Variants in LRPPRC observed in about 807,000 individuals in gnomAD.
LRPPRC encodes the protein leucine-rich PPR motif-containing protein, mitochondrial.
In LRPPRC, 120 loss-of-function variants were observed where a neutral mutation model predicts 180.3. The ratio of observed to expected loss-of-function variants is 0.67; its 90% CI spans 0.57 to 0.77. The LOEUF (loss-of-function observed/expected upper bound fraction) is 0.77, where lower values mean the gene tolerates loss of function less well. LRPPRC is among the 30% of genes least tolerant of loss of function. LRPPRC has a pLI of 0.00. For synonymous variants in LRPPRC, 723 were observed against 600.0 expected (o/e 1.21, Z -3.00); for missense variants, 2,012 against 1,657.2 (o/e 1.21, Z -3.72).
chr2:43,960,297 G>A (rs1365300894), intron 13 of LRPPRC, among the ~76,000 whole-genome samples: 2 of 152,082 alleles, frequency 1.3e-5, no homozygotes, highest in African/African-American at 4.8e-5. Flanking sequence ...GAATATCCAC[G>A]TCTTCAGGGT....
rs62135113 is a variant in LRPPRC, at chr2:43,976,878, C to G, written c.650+116G>C. ...GATTACCAGATTTTCTAGATTAAAA[C>G]AGTTCTGAAACAATTTCCTCCATTA... On this transcript the variant is annotated intron_variant, in intron 5 of 37. Coordinates refer to ENST00000260665, the MANE Select transcript of LRPPRC (RefSeq NM_133259.4). 71,737 of 794,346 alleles carry G rather than the reference C, an allele frequency of 0.09. 3,990 individuals are homozygous for G. Among genetic ancestry groups the G allele is most frequent in the South Asian group, 0.15 (9,462 of 64,394 alleles). 49.2% of individuals were successfully genotyped at this position (794,346 alleles called of 1,614,324 possible).
chr2:43,937,905 A>G (rs1041833233), intron 23 of LRPPRC, among the ~76,000 whole-genome samples: 1 of 152,178 alleles, frequency 6.6e-6, no homozygotes, highest in Non-Finnish European at 1.5e-5. Flanking sequence ...CAATCAGTCT[A>G]CTTCTAGCTT....
intron 1 of LRPPRC, among the ~76,000 whole-genome samples, chr2:43,988,300 G>A (rs1195130678): frequency 1.3e-5 from 2 of 151,396 alleles, no homozygotes; most frequent in South Asian, 2.1e-4. Flanking sequence ...ACTTTGGGAG[G>A]CCAAGGCGGG....
intron 29 of LRPPRC, among the ~76,000 whole-genome samples, chr2:43,914,384 T>G (rs1671366455): frequency 6.6e-6 from 1 of 152,154 alleles, no homozygotes; most frequent in African/African-American, 2.4e-5. Context: ...GCATTCATAT[T>G]TTACTAAACA....
At chr2:43,988,049 C>T (rs1041756202) in intron 1 of LRPPRC, among the ~76,000 whole-genome samples, 1 of 151,736 alleles carries the variant, frequency 6.6e-6, no homozygotes, top group Non-Finnish European at 1.5e-5. Flanking sequence ...GAGACCAGCC[C>T]GGCCAACATG....
intron 23 of LRPPRC, among the ~76,000 whole-genome samples, chr2:43,937,846 G>C (rs1672330326): frequency 6.6e-6 from 1 of 152,116 alleles, no homozygotes; most frequent in Non-Finnish European, 1.5e-5. Context: ...ATATCAAAAG[G>C]AGAAAGGTAA....
intron 23 of LRPPRC, among the ~76,000 whole-genome samples, chr2:43,941,585 T>A (rs1672482469): frequency 6.6e-6 from 1 of 152,150 alleles, no homozygotes; most frequent in East Asian, 1.9e-4. Context: ...GCACTTGTCA[T>A]GATTCTGAAT....
At chr2:43,941,640 G>A (rs1672484480) in intron 23 of LRPPRC, among the ~76,000 whole-genome samples, 1 of 151,692 alleles carries the variant, frequency 6.6e-6, no homozygotes, top group African/African-American at 2.4e-5. Context: ...AATTGAGAAA[G>A]AGTTTCAAAG....
chr2:43,934,910 A>G (rs1379774377), intron 23 of LRPPRC, 32 bp from the exon 24 acceptor site: 4 of 1,597,370 alleles, frequency 2.5e-6, no homozygotes, highest in Non-Finnish European at 2.6e-6. Context: ...AATGAATAAA[A>G]TAAATCGAAT....
rs1671302218 is a variant in LRPPRC at position 43,912,551 on chromosome 2, A to G, written c.3156T>C (p.Tyr1052=). 1 of 1,609,126 alleles carries G rather than the reference A, an allele frequency of 6.2e-7. No individual in the cohort carries two copies. The highest frequency in any genetic ancestry group is 1.1e-5 in the South Asian group (1 of 90,958). ...ACRLNQKKGA[Y]DIFLNAKEQN... is the part of the protein sequence containing the mutation. ...GCTCTTTTGCATTCAGGAAAATATC[A>G]TATGCCCCTATGAGAGAAAACAGAC... Residue 1052 remains tyrosine (Y), a synonymous_variant, in exon 30 of 38, where the codon TAT becomes TAC. Transcript: ENST00000260665.
intron 36 of LRPPRC, among the ~76,000 whole-genome samples, chr2:43,893,003 T>A (rs1670549799): frequency 6.6e-6 from 1 of 152,126 alleles, no homozygotes; most frequent in Non-Finnish European, 1.5e-5. Flanking sequence ...TCAACCCTCA[T>A]GGATGAACCC....
At chr2:43,992,908 G>C (rs1674849650) in intron 1 of LRPPRC, among the ~76,000 whole-genome samples, 1 of 152,118 alleles carries the variant, frequency 6.6e-6, no homozygotes, top group South Asian at 2.1e-4. Context: ...TCATCAGATA[G>C]GTAAGTAATG....
At chr2:43,896,467 C>G (rs1572891006) in intron 35 of LRPPRC, 167 bp downstream of exon 35, 5 of 588,104 alleles carry the variant, frequency 8.5e-6, no homozygotes, top group Non-Finnish European at 1.5e-5. Flanking sequence ...ATTTCCAGTA[C>G]AGCTAACAGA....
intron 13 of LRPPRC, 143 bp from the exon 14 acceptor site, chr2:43,957,594 C>T (rs1378389382): frequency 1.2e-5 from 8 of 684,152 alleles, no homozygotes; most frequent in Admixed American, 4.8e-5. Context: ...TGTTTTCATA[C>T]AAAATTAGAC....
chr2:43,927,244 G>A (rs1035494272), intron 25 of LRPPRC, among the ~76,000 whole-genome samples: 1 of 152,156 alleles, frequency 6.6e-6, no homozygotes, highest in Non-Finnish European at 1.5e-5. Flanking sequence ...ATCAAACCAG[G>A]TATCCCTTGA....
intron 14 of LRPPRC, among the ~76,000 whole-genome samples, chr2:43,954,393 A>C (rs1673021374): frequency 6.6e-6 from 1 of 152,230 alleles, no homozygotes; most frequent in Non-Finnish European, 1.5e-5. Context: ...AAAATTATAC[A>C]TTAAGATGTC....
intron 30 of LRPPRC, among the ~76,000 whole-genome samples, 163 bp downstream of exon 30, chr2:43,912,269 A>G (rs2105012788): frequency 6.6e-6 from 1 of 152,286 alleles, no homozygotes; most frequent in South Asian, 2.1e-4. Context: ...TTTGAAGGTG[A>G]AAAAACCTGA....
chr2:43,918,316 T>C lies in LRPPRC; in HGVS notation c.2979A>G (p.Leu993=). The change falls in exon 28 of 38, where the codon TTA becomes TTG. Residue 993 remains leucine (L), a synonymous_variant. Transcript: ENST00000260665. ...CTCTAAGGATTTCTGCTAATAATCT[T>C]AATGTCTTTTCACGAGGAATAACAT... The part of the protein sequence containing the change: ...EENVIPREKT[L]RLLAEILREG... 1 of 1,610,040 alleles carries C rather than the reference T, an allele frequency of 6.2e-7. No homozygotes were observed.
chr2:43,912,058 G>A (rs4953033), intron 30 of LRPPRC, among the ~76,000 whole-genome samples: 95,152 of 151,994 alleles, frequency 0.63, 31,651 homozygotes, highest in East Asian at 0.96. Flanking sequence ...TTCAAATCTT[G>A]GTCTAAGTTC....
Sources: gnomAD v4.1 joint callset for allele counts (sites outside exome capture counted in the v4.1 genomes callset) on GRCh38, gnomAD v4.1.1 for gene constraint, MANE v1.5 for transcripts, NCBI Gene and HGNC (gene_info 2026-07-23, HGNC 2026-07-21) for gene names.